Variants in KCNU1 observed in about 807,000 individuals in gnomAD.
KCNU1 encodes potassium channel subfamily U member 1.
In KCNU1, 93 loss-of-function variants were observed where a neutral mutation model predicts 126.8. The observed-to-expected ratio is 0.73, with a 90% confidence interval of 0.62 to 0.87. The LOEUF (loss-of-function observed/expected upper bound fraction) is 0.87. Ranked by LOEUF, KCNU1 falls within the 40% of genes least tolerant of loss-of-function variation. The probability of loss-of-function intolerance (pLI) is 0.00; values close to 1 mark genes in which losing one functional copy is unlikely to be tolerated. For synonymous variants in KCNU1, 523 were observed against 494.2 expected (o/e 1.06, Z -0.77); for missense variants, 1,330 against 1,367.1 (o/e 0.97, Z 0.43).
chr8:36,871,619 T>G (rs1017060172), intron 19 of KCNU1, among the ~76,000 whole-genome samples: 10 of 152,136 alleles, frequency 6.6e-5, no homozygotes, highest in African/African-American at 2.4e-4. Context: ...CTTCACAGAC[T>G]ATAATAAAGG....
chr8:36,907,784 T>C (rs1400995656), intron 20 of KCNU1, among the ~76,000 whole-genome samples: 1 of 152,174 alleles, frequency 6.6e-6, no homozygotes, highest in Non-Finnish European at 1.5e-5. Context: ...GTATTCTGAG[T>C]CTTTGTGTGT....
At chr8:36,842,743 T>G (rs1805002992) in intron 16 of KCNU1, among the ~76,000 whole-genome samples, 1 of 152,242 alleles carries the variant, frequency 6.6e-6, no homozygotes, top group African/African-American at 2.4e-5. Flanking sequence ...CAATTTCGGC[T>G]CACTGCAACC....
intron 10 of KCNU1, among the ~76,000 whole-genome samples, chr8:36,820,403 C>T (rs1452511528): frequency 6.6e-6 from 1 of 151,914 alleles, no homozygotes; most frequent in Non-Finnish European, 1.5e-5. Flanking sequence ...TCAGTAAAGG[C>T]TGGAAGAGCA....
In KCNU1 at chr8:36,936,028, C is replaced by A; in HGVS notation, c.*108C>A. The A allele has an allele frequency of 1.9e-6, 2 of 1,048,990 alleles. No homozygotes were observed. Among genetic ancestry groups the A allele is most frequent in the Non-Finnish European group, 2.7e-6 (2 of 734,370 alleles). The allele number at this position is 1,048,990 out of a possible 1,614,324, so 65.0% of individuals were successfully genotyped here. On this transcript the variant is annotated 3_prime_UTR_variant, in exon 27 of 27. Coordinates refer to ENST00000399881, the MANE Select transcript of KCNU1 (RefSeq NM_001031836.3). ...GAATGGAAGCATGCCATTTTTCTGC[C>A]CATTGCTTAGTGGTTCATGAAGGCC...
chr8:36,840,559 T>G lies in KCNU1; in HGVS notation c.1615T>G (p.Phe539Val), dbSNP rs1804911413. The change falls in exon 15 of 27, where the codon TTT (phenylalanine) becomes GTT (valine). Residue 539 changes from phenylalanine (F) to valine (V), a missense_variant. By Grantham distance (50) the Phe-to-Val change is conservative. This residue lies in a region of KCNU1 where 1,054 missense variants were observed against 1,053.9 expected (regional missense o/e 1.00). Transcript: ENST00000399881. ...CTCTGATGACTTTGCTGGAATGAGCTTTCCTGAAGTTGCCCGGTAAGTGAA... is the reference window on the plus strand; with the variant it reads ...CTCTGATGACTTTGCTGGAATGAGCGTTCCTGAAGTTGCCCGGTAAGTGAA... ...RLSDDFAGMSFPEVARLCFLK... is the reference protein window; with the variant it reads ...RLSDDFAGMSVPEVARLCFLK... 1 of 1,605,144 alleles carries G rather than the reference T, an allele frequency of 6.2e-7. No homozygotes were observed. The highest frequency in any genetic ancestry group is 2.2e-5 in the East Asian group (1 of 44,746).
intron 18 of KCNU1, among the ~76,000 whole-genome samples, chr8:36,852,867 A>G (rs1474185482): frequency 1.3e-5 from 2 of 152,148 alleles, no homozygotes; most frequent in Admixed American, 1.3e-4. Context: ...TTCAAAAAGA[A>G]CAACTTTCTT....
chr8:36,820,645 G>T (rs947275335), intron 10 of KCNU1, among the ~76,000 whole-genome samples: 1 of 150,980 alleles, frequency 6.6e-6, no homozygotes, highest in South Asian at 2.1e-4. Flanking sequence ...TTTAGTTTTC[G>T]AGCAGAACTT....
Position 36,807,842 on chromosome 8 carries a change from T to C in KCNU1, c.656+392T>C, listed in dbSNP as rs552455500. ...AAAAAAAGAAACACTTCTTCAGGCA[T>C]TGGAATGTAAGACAATTCCTCGAAG... On this transcript the variant is annotated intron_variant, in intron 6 of 26. Transcript: ENST00000399881. Among the ~76,000 whole-genome samples the C allele has an allele frequency of 4.6e-5, 7 of 151,938 alleles. No individual in the cohort carries two copies. In the East Asian group the frequency reaches 7.7e-4, roughly 17 times the overall value.
chr8:36,884,147 A>G (rs1249384818), intron 19 of KCNU1, among the ~76,000 whole-genome samples: 2 of 152,186 alleles, frequency 1.3e-5, no homozygotes, highest in Admixed American at 6.5e-5. Context: ...TGCATGACTA[A>G]TGGAGTGAGT....
intron 2 of KCNU1, among the ~76,000 whole-genome samples, chr8:36,788,308 G>T (rs140726961): frequency 6.6e-6 from 1 of 152,166 alleles, no homozygotes; most frequent in Non-Finnish European, 1.5e-5. Context: ...GCACATGCTT[G>T]TCTCTCCCAG....
At chr8:36,918,396 A>T (rs1808203590) in intron 22 of KCNU1, among the ~76,000 whole-genome samples, 1 of 152,052 alleles carries the variant, frequency 6.6e-6, no homozygotes, top group Non-Finnish European at 1.5e-5. Context: ...AAAATAAAAA[A>T]AAAAATAAAT....
chr8:36,819,371 C>G (rs1032390053), intron 10 of KCNU1, among the ~76,000 whole-genome samples: 2 of 152,078 alleles, frequency 1.3e-5, no homozygotes, highest in African/African-American at 2.4e-5. Context: ...CATTTTCTAT[C>G]CTAGTAAATG....
At chr8:36,923,706 C>G (rs1353496722) in intron 24 of KCNU1, among the ~76,000 whole-genome samples, 1 of 152,202 alleles carries the variant, frequency 6.6e-6, no homozygotes, top group Non-Finnish European at 1.5e-5. Flanking sequence ...TTTGGGTCAT[C>G]CTTACTGCTG....
chr8:36,935,738 T>G lies in KCNU1; in HGVS notation c.3268T>G (p.Tyr1090Asp). The G allele has an allele frequency of 6.2e-7, 1 of 1,613,430 alleles. No homozygotes were observed. Among genetic ancestry groups the G allele is most frequent in the East Asian group, 2.2e-5 (1 of 44,860 alleles). The change falls in exon 27 of 27, where the codon TAT (tyrosine) becomes GAT (aspartate). Residue 1090 changes from tyrosine to aspartate, a missense_variant. Physicochemically the swap from Tyr to Asp is radical, Grantham distance 160 (BLOSUM62 -3). This residue lies in a region of KCNU1 where 1,054 missense variants were observed against 1,053.9 expected (regional missense o/e 1.00). Coordinates refer to ENST00000399881, the MANE Select transcript of KCNU1 (RefSeq NM_001031836.3). ...SVTETLYSPV[Y>D]SYQPRTNSLS... is the part of the protein sequence containing the mutation. ...TACTGAGACATTGTATTCACCAGTC[T>G]ATTCTTACCAGCCGAGAACTAACTC...
chr8:36,902,323 A>G (rs1474478360), intron 19 of KCNU1, among the ~76,000 whole-genome samples: 1 of 152,114 alleles, frequency 6.6e-6, no homozygotes, highest in Non-Finnish European at 1.5e-5. Flanking sequence ...CCCTATTCTG[A>G]GTCATGTTAA....
In KCNU1 at chr8:36,840,991, C is replaced by A. The variant is rs370118448; in HGVS notation, c.1691C>A (p.Thr564Lys). 1.9e-6 allele frequency: 3 copies of A among 1,577,396 alleles called. No homozygotes were observed. Among genetic ancestry groups the A allele is most frequent in the Non-Finnish European group, 2.6e-6 (3 of 1,148,458 alleles). The change falls in exon 16 of 27, where the codon ACG (threonine) becomes AAG (lysine). Residue 564 changes from threonine (T) to lysine (K), a missense_variant. Coordinates refer to ENST00000399881, the MANE Select transcript of KCNU1 (RefSeq NM_001031836.3). ...GCCATCGAATACAAGTCCCTCTTTA[C>A]GGATGGTTTCTGGTACCAATAAGTC... ...LIAIEYKSLF[T>K]DGFCGLILNP...
intron 18 of KCNU1, among the ~76,000 whole-genome samples, chr8:36,846,787 C>T (rs1385709414): frequency 6.9e-5 from 4 of 58,236 alleles, no homozygotes; most frequent in African/African-American, 1.2e-4. Context: ...GGCGACAGAG[C>T]GAAAAAAAAA....
chr8:36,935,560 A>G lies in KCNU1; in HGVS notation c.3090A>G (p.Ser1030=). Residue 1030 remains serine, a synonymous_variant, in exon 27 of 27, where the codon TCA becomes TCG. Coordinates refer to ENST00000399881, the MANE Select transcript of KCNU1 (RefSeq NM_001031836.3). ...CCAATGAGTTCAAGCTGCTGCCTTC[A>G]GATCTTGTGTTTTGTGCCATACCCT... ...RPANEFKLLP[S]DLVFCAIPFS... The G allele has an allele frequency of 3.1e-6, 5 of 1,612,222 alleles. No individual in the cohort carries two copies. Among genetic ancestry groups the G allele is most frequent in the Non-Finnish European group, 3.4e-6 (4 of 1,178,834 alleles).
rs1585479516 is a variant in KCNU1 at position 36,864,498 on chromosome 8, G to A, written c.1986G>A (p.Ser662=). 5 of 1,610,658 alleles carry A rather than the reference G, an allele frequency of 3.1e-6. No individual in the cohort carries two copies. Among genetic ancestry groups the A allele is most frequent in the South Asian group, 2.2e-5 (2 of 91,004 alleles). The change falls in exon 19 of 27, where the codon TCG becomes TCA. Residue 662 remains serine (S), a synonymous_variant. Coordinates refer to ENST00000399881, the MANE Select transcript of KCNU1 (RefSeq NM_001031836.3). ...DSPPRVSAST[S]SISNFTTRTL... ...CGCCAAGGGTATCTGCAAGCACTTC[G>A]AGCATATCAAACTTCACCACCAGGT...
Sources: allele counts gnomAD v4.1 joint callset (sites outside exome capture counted in the v4.1 genomes callset), GRCh38; gene constraint gnomAD v4.1.1; regional missense constraint gnomAD v4.1.1; transcripts MANE v1.5; gene names NCBI Gene and HGNC (gene_info 2026-07-23, HGNC 2026-07-21).